The following IFI16 variants were observed in gnomAD, a reference collection of about 807,000 sequenced individuals.
IFI16 encodes the protein gamma-interferon-inducible protein 16.
IFI16 carries 49 observed loss-of-function variants against 68.4 expected under a neutral mutation model. The observed-to-expected ratio is 0.72, with a 90% CI of 0.57 to 0.91. IFI16 has a LOEUF of 0.91. Ranked by LOEUF, IFI16 falls within the 40% of genes least tolerant of loss-of-function variation. The probability of loss-of-function intolerance (pLI) is 0.00; values close to 1 mark genes in which losing one functional copy is unlikely to be tolerated. For missense variants in IFI16, 878 were observed against 942.9 expected (o/e 0.93, Z 0.90); for synonymous variants, 307 against 315.0 (o/e 0.97, Z 0.27).
chr1:159,007,607 T>C (rs2101783280), upstream of IFI16, among the ~76,000 whole-genome samples: 1 of 152,204 alleles, frequency 6.6e-6, no homozygotes, highest in East Asian at 1.9e-4. Context: ...AACCTCCCAG[T>C]GTGATGATAT....
chr1:159,005,303 G>C (rs888624469), upstream of IFI16, among the ~76,000 whole-genome samples: 1 of 152,186 alleles, frequency 6.6e-6, no homozygotes, highest in Non-Finnish European at 1.5e-5. Context: ...CCATTACAGG[G>C]AGGGTCAGAG....
intron 6 of IFI16, among the ~76,000 whole-genome samples, chr1:159,025,751 C>T (rs772001675): frequency 6.6e-6 from 1 of 152,176 alleles, no homozygotes; most frequent in Non-Finnish European, 1.5e-5. Context: ...CTGCCTAAGC[C>T]ACTCTCTAGA....
upstream of IFI16, among the ~76,000 whole-genome samples, chr1:159,005,686 T>C (rs1350469451): frequency 1.3e-5 from 2 of 152,206 alleles, no homozygotes; most frequent in Non-Finnish European, 2.9e-5. Context: ...AGGAATGGCA[T>C]TGTTGTGAAA....
intron 6 of IFI16, among the ~76,000 whole-genome samples, chr1:159,026,734 A>T (rs56235865): frequency 6.6e-6 from 1 of 152,022 alleles, no homozygotes; most frequent in East Asian, 1.9e-4. Context: ...CCTTGGTTAG[A>T]TATATTCCTA....
At chr1:159,021,999 T>G in intron 6 of IFI16, among the ~76,000 whole-genome samples, 1 of 125,046 alleles carries the variant, frequency 8.0e-6, no homozygotes, top group African/African-American at 3.1e-5. Context: ...AGTCTTGCTC[T>G]TTTGCCCAGG....
chr1:159,035,712 A>C (rs1303807119), intron 7 of IFI16, among the ~76,000 whole-genome samples: 2 of 151,488 alleles, frequency 1.3e-5, no homozygotes, highest in African/African-American at 4.9e-5. Context: ...TATACGCTCT[A>C]TATTCATTGA....
chr1:159,020,548 A>G lies in IFI16; in HGVS notation c.1161+19A>G. 6.5e-7 allele frequency: 1 copy of G among 1,545,170 alleles called. No homozygotes were observed. ...TATCCAGGTAAGAATTAAATAGGCA[A>G]ATATTAGTTTTCCAAAGTGGAAATG... On this transcript the variant is annotated intron_variant, in intron 6 of 11. Transcript: ENST00000295809.
chr1:159,022,027 T>A (rs1241021763), intron 6 of IFI16, among the ~76,000 whole-genome samples: 1 of 130,428 alleles, frequency 7.7e-6, no homozygotes, highest in Non-Finnish European at 1.6e-5. Context: ...GCAGTGGCGC[T>A]ATCTCGGCTT....
intron 7 of IFI16, among the ~76,000 whole-genome samples, chr1:159,040,584 T>C (rs558872625): frequency 9.9e-5 from 15 of 152,138 alleles, no homozygotes; most frequent in Admixed American, 2.0e-4. Flanking sequence ...CATACTTAAA[T>C]AGAGAAACAT....
intron 8 of IFI16, among the ~76,000 whole-genome samples, chr1:159,048,856 G>C (rs2236585): frequency 2.3e-4 from 35 of 151,572 alleles, no homozygotes; most frequent in East Asian, 1.7e-3. Context: ...ATATTAAATT[G>C]TTCTGAATAC....
chr1:159,003,805 C>T (rs1476056556), upstream of IFI16, among the ~76,000 whole-genome samples: 15 of 152,140 alleles, frequency 9.9e-5, no homozygotes, highest in Admixed American at 2.6e-4. Flanking sequence ...GGACTATAGG[C>T]GCCCGCCACC....
intron 11 of IFI16, 87 bp from the exon 12 acceptor site, chr1:159,054,734 G>A (rs984579832): frequency 1.5e-6 from 1 of 669,008 alleles, no homozygotes; most frequent in African/African-American, 1.8e-5. Context: ...ATATGGTGCA[G>A]GGGGAGGAGA....
chr1:159,010,478 G>T (rs1652479631), intron 1 of IFI16, among the ~76,000 whole-genome samples: 1 of 152,156 alleles, frequency 6.6e-6, no homozygotes, highest in South Asian at 2.1e-4. Context: ...TGTTATTTTG[G>T]CTGGAAGAAG....
At chr1:159,053,357 T>G (rs541421464) in intron 10 of IFI16, 176 bp from the exon 11 acceptor site, 6 of 425,298 alleles carry the variant, frequency 1.4e-5, no homozygotes, top group Non-Finnish European at 2.5e-5. Context: ...AAGGGAGGAG[T>G]TGAAAGGCAG....
chr1:159,053,620 A>C lies in IFI16; in HGVS notation c.2173A>C (p.Ile725Leu), dbSNP rs781722287. 3.6e-5 allele frequency: 58 copies of C among 1,613,826 alleles called. No homozygotes were observed. The highest frequency in any genetic ancestry group is 4.7e-5 in the Non-Finnish European group (55 of 1,179,830). Residue 725 changes from isoleucine (I) to leucine (L), a missense_variant, in exon 11 of 12, where the codon ATC becomes CTC. Transcript: ENST00000295809. ...EVVVHGRLTT[I>L]NCEEGDKLKL... Reference sequence around the variant, plus strand: ...GGTGGTGCATGGACGACTGACCACAATCAACTGTGAGGAAGGAGATAAACT... The same window carrying C: ...GGTGGTGCATGGACGACTGACCACACTCAACTGTGAGGAAGGAGATAAACT...
chr1:159,049,296 C>T (rs976375164), intron 8 of IFI16, 136 bp from the exon 9 acceptor site: 7 of 574,132 alleles, frequency 1.2e-5, no homozygotes, highest in Admixed American at 3.2e-5. Flanking sequence ...TATTATTCCT[C>T]CTGCAACTCA....
chr1:159,016,740 A>C, intron 4 of IFI16, 40 bp downstream of exon 4: 2 of 1,569,670 alleles, frequency 1.3e-6, no homozygotes, highest in Non-Finnish European at 1.7e-6. Flanking sequence ...GTTTTTTTCA[A>C]CCCAAAGTAA....
At chr1:159,003,144 T>C (rs982173614), upstream of IFI16, among the ~76,000 whole-genome samples, 4 of 152,182 alleles carry the variant, frequency 2.6e-5, no homozygotes, top group Non-Finnish European at 5.9e-5. Context: ...CTTCCTATGG[T>C]TCCACTGTGC....
intron 8 of IFI16, 38 bp downstream of exon 8, chr1:159,045,502 C>G (rs745958660): frequency 1.2e-6 from 2 of 1,605,106 alleles, no homozygotes; most frequent in Admixed American, 1.7e-5. Flanking sequence ...CCCCTCACTA[C>G]AATGTAATGA....
Sources: gnomAD v4.1 joint callset for allele counts (sites outside exome capture counted in the v4.1 genomes callset) on GRCh38, gnomAD v4.1.1 for gene constraint, MANE v1.5 for transcripts, NCBI Gene and HGNC (gene_info 2026-07-23, HGNC 2026-07-21) for gene names.